AOPEP: variants seen among roughly 807,000 people sequenced by gnomAD.
The protein encoded by AOPEP is aminopeptidase O.
A neutral mutation model predicts 98.1 loss-of-function variants in AOPEP; 77 were observed. The observed-to-expected ratio is 0.78, with a 90% CI of 0.65 to 0.95. The LOEUF (loss-of-function observed/expected upper bound fraction) is 0.95, where lower values mean the gene tolerates loss of function less well. AOPEP is among the 40% of genes least tolerant of loss of function. The probability of loss-of-function intolerance (pLI) is 0.00; values close to 1 mark genes in which losing one functional copy is unlikely to be tolerated. For missense variants in AOPEP, 1,024 were observed against 1,024.7 expected (o/e 1.00, Z 0.01); for synonymous variants, 346 against 365.3 (o/e 0.95, Z 0.60).
intron 1 of AOPEP, among the ~76,000 whole-genome samples, chr9:94,727,395 AATAGC>A (rs1320176573): frequency 6.6e-6 from 1 of 152,238 alleles, no homozygotes; most frequent in Non-Finnish European, 1.5e-5. Context: ...TGGAACAGTT[AATAGC>A]ATTGCATAAA....
intron 11 of AOPEP, among the ~76,000 whole-genome samples, chr9:94,989,917 C>T (rs969432837): frequency 6.6e-5 from 10 of 152,146 alleles, no homozygotes; most frequent in African/African-American, 2.2e-4. Flanking sequence ...CCAAGTAACC[C>T]AAACATTTGG....
At chr9:95,092,056 CTGTG>C (rs112458654), downstream of AOPEP, among the ~76,000 whole-genome samples, 61,128 of 149,124 alleles carry the variant, frequency 0.41, 13,355 homozygotes, top group Middle Eastern at 0.53. Flanking sequence ...CTGTTGAAGG[CTGTG>C]TGTGTGTGTG....
intron 13 of AOPEP, among the ~76,000 whole-genome samples, chr9:95,056,962 G>A (rs547288068): frequency 2.5e-4 from 38 of 152,240 alleles, no homozygotes; most frequent in African/African-American, 8.9e-4. Flanking sequence ...AATTTCCGAG[G>A]CAGATGCATT....
chr9:95,119,199 TG>T, the AOPEP span, among the ~76,000 whole-genome samples: 1 of 152,234 alleles, frequency 6.6e-6, no homozygotes, highest in Non-Finnish European at 1.5e-5. Flanking sequence ...GTATCTTTTT[TG>T]AAAGTATATA....
At chr9:94,850,037 A>G (rs1213128615) in intron 5 of AOPEP, among the ~76,000 whole-genome samples, 38 of 142,508 alleles carry the variant, frequency 2.7e-4, no homozygotes, top group African/African-American at 1.3e-4. Flanking sequence ...TCCATCTCAA[A>G]AAAAAAAAAA....
intron 13 of AOPEP, among the ~76,000 whole-genome samples, chr9:95,036,067 A>G (rs1186218315): frequency 6.6e-6 from 1 of 152,116 alleles, no homozygotes; most frequent in Non-Finnish European, 1.5e-5. Context: ...TGTGTTTTAA[A>G]TCTCCCTAGA....
chr9:95,043,656 G>T (rs574003165), intron 13 of AOPEP, among the ~76,000 whole-genome samples: 1 of 149,310 alleles, frequency 6.7e-6, no homozygotes, highest in Non-Finnish European at 1.5e-5. Context: ...ATAATTTTTA[G>T]GTTTGTTTTG....
chr9:95,015,017 C>A (rs2062862190), intron 13 of AOPEP, among the ~76,000 whole-genome samples: 1 of 152,188 alleles, frequency 6.6e-6, no homozygotes, highest in Admixed American at 6.5e-5. Context: ...ACTTACAAAG[C>A]ATCCTGTGAT....
chr9:95,144,096 G>A, the AOPEP span, among the ~76,000 whole-genome samples: 2 of 149,220 alleles, frequency 1.3e-5, no homozygotes, highest in Admixed American at 6.6e-5. Flanking sequence ...GTCAAAGAAA[G>A]CATGTGGTTT....
At chr9:95,103,795 C>T in the AOPEP span, among the ~76,000 whole-genome samples, 1 of 152,240 alleles carries the variant, frequency 6.6e-6, no homozygotes, top group Non-Finnish European at 1.5e-5. Flanking sequence ...AGAGGCCACA[C>T]AGGAGGCAGG....
In AOPEP at chr9:95,005,172, G is replaced by A; in HGVS notation, c.1992G>A (p.Glu664=). ...SSGIPKPLQR[E]RRAGAECGLA... is the part of the protein sequence containing the mutation. ...TTCCCCCGCAGCCGCTGCAGAGGGAGCGTCGCGCCGGGGCGGAGTGCGGGC... is the reference window on the plus strand; with the variant it reads ...TTCCCCCGCAGCCGCTGCAGAGGGAACGTCGCGCCGGGGCGGAGTGCGGGC... Residue 664 remains glutamate (E), a synonymous_variant, in exon 12 of 17, where the codon GAG becomes GAA. Coordinates refer to ENST00000375315, the MANE Select transcript of AOPEP (RefSeq NM_001193329.3). The A allele has an allele frequency of 8.7e-7, 1 of 1,153,626 alleles. No individual in the cohort carries two copies. The highest frequency in any genetic ancestry group is 3.2e-5 in the South Asian group (1 of 30,770). The allele number at this position is 1,153,626 out of a possible 1,614,324, so 71.5% of individuals were successfully genotyped here. A position where few individuals can be genotyped will look rare whatever the true frequency, so the allele number is the denominator to read the frequency against.
At chr9:94,808,861 G>A (rs1190342202) in intron 5 of AOPEP, among the ~76,000 whole-genome samples, 1 of 152,268 alleles carries the variant, frequency 6.6e-6, no homozygotes, top group Non-Finnish European at 1.5e-5. Context: ...GGAAACTGTG[G>A]TTGGCAGGTC....
chr9:94,882,255 A>G (rs1337195386), intron 5 of AOPEP, among the ~76,000 whole-genome samples: 1 of 152,230 alleles, frequency 6.6e-6, no homozygotes, highest in Non-Finnish European at 1.5e-5. Context: ...AAGAGAGGAA[A>G]CAGGGTTATT....
downstream of AOPEP, among the ~76,000 whole-genome samples, chr9:95,088,489 G>A (rs907301071): frequency 2.0e-5 from 3 of 149,704 alleles, no homozygotes; most frequent in South Asian, 2.2e-4. Context: ...GATTATAGGC[G>A]TGAACCACTG....
chr9:94,802,379 G>C (rs1848389085), intron 5 of AOPEP, among the ~76,000 whole-genome samples: 1 of 152,130 alleles, frequency 6.6e-6, no homozygotes, highest in South Asian at 2.1e-4. Flanking sequence ...TGGCCTGAGG[G>C]AACCAAAGGC....
intron 3 of AOPEP, among the ~76,000 whole-genome samples, chr9:94,786,408 A>G (rs1024321479): frequency 6.6e-6 from 1 of 152,242 alleles, no homozygotes; most frequent in Non-Finnish European, 1.5e-5. Flanking sequence ...TCCAAAAGCA[A>G]TAAACTCTCA....
chr9:95,123,370 T>G, the AOPEP span: 1 of 393,190 alleles, frequency 2.5e-6, no homozygotes, highest in Non-Finnish European at 4.9e-6. Flanking sequence ...CTGGGTGTGG[T>G]GGCTCACACC....
intron 3 of AOPEP, among the ~76,000 whole-genome samples, chr9:94,786,010 C>T (rs1006935607): frequency 2.6e-5 from 4 of 152,156 alleles, no homozygotes; most frequent in African/African-American, 9.7e-5. Context: ...CATCAGGTCG[C>T]GGTTTTCAGT....
chr9:95,082,282 G>A (rs2069897025), intron 15 of AOPEP, among the ~76,000 whole-genome samples: 1 of 152,218 alleles, frequency 6.6e-6, no homozygotes, highest in African/African-American at 2.4e-5. Context: ...TCCTGACACG[G>A]CCATCATGGT....
Sources: gnomAD v4.1 joint callset for allele counts (sites outside exome capture counted in the v4.1 genomes callset) on GRCh38, gnomAD v4.1.1 for gene constraint, MANE v1.5 for transcripts, NCBI Gene and HGNC (gene_info 2026-07-23, HGNC 2026-07-21) for gene names.